Variants in XKR9 observed in about 807,000 individuals in gnomAD.
XKR9 encodes the protein XK-related protein 9.
In XKR9, 32 loss-of-function variants were observed where a neutral mutation model predicts 32.0. That is an observed-to-expected ratio of 1.00 (90% CI 0.76 to 1.34). The LOEUF (loss-of-function observed/expected upper bound fraction) is 1.34, where lower values mean the gene tolerates loss of function less well. XKR9 is among the 40% of genes most tolerant of loss of function. The pLI, the probability that XKR9 is intolerant of heterozygous loss-of-function variation, is 0.00. For missense variants in XKR9, 546 were observed against 429.7 expected, an observed-to-expected ratio of 1.27 and a Z score of -2.39; for synonymous variants, 168 against 143.4, an observed-to-expected ratio of 1.17 and a Z score of -1.22.
intron 2 of XKR9, among the ~76,000 whole-genome samples, chr8:70,677,405 C>T (rs1179555279): frequency 6.6e-6 from 1 of 152,148 alleles, no homozygotes; most frequent in Admixed American, 6.5e-5. Context: ...GGCTCAGCCT[C>T]CCAAAGTGCT....
At chr8:70,691,685 G>A (rs1288773207) in intron 3 of XKR9, among the ~76,000 whole-genome samples, 2 of 151,928 alleles carry the variant, frequency 1.3e-5, no homozygotes, top group African/African-American at 4.8e-5. Context: ...TTTCCCCATT[G>A]CTTGTTTTTG....
the XKR9 span, among the ~76,000 whole-genome samples, chr8:70,930,400 T>C: frequency 1.3e-5 from 2 of 152,166 alleles, no homozygotes; most frequent in Non-Finnish European, 2.9e-5. Flanking sequence ...TAGTCATCTC[T>C]CTCAAAGTTA....
At chr8:70,750,871 G>T (rs1443658180) in intron 2 of XKR9, among the ~76,000 whole-genome samples, 3 of 152,304 alleles carry the variant, frequency 2.0e-5, no homozygotes, top group East Asian at 1.9e-4. Flanking sequence ...CAAAAATGTT[G>T]TACTGGATAT....
chr8:70,994,333 C>CT, the XKR9 span, among the ~76,000 whole-genome samples: 5 of 151,092 alleles, frequency 3.3e-5, no homozygotes, highest in East Asian at 1.9e-4. Context: ...CCTGAGAAAG[C>CT]TTTTTTTTTC....
chr8:70,751,086 GC>G (rs1308215981), intron 2 of XKR9, among the ~76,000 whole-genome samples: 1 of 152,092 alleles, frequency 6.6e-6, no homozygotes, highest in African/African-American at 2.4e-5. Context: ...TAGCTTGCTG[GC>G]CCACCCTGCT....
At chr8:70,840,983 T>A in the XKR9 span, among the ~76,000 whole-genome samples, 158 of 152,298 alleles carry the variant, frequency 1.0e-3, 2 homozygotes, top group South Asian at 8.9e-3. Flanking sequence ...GGGTTTTGGG[T>A]AGACCAGTTA....
At chr8:70,731,372 G>A (rs1241988249) in intron 4 of XKR9, among the ~76,000 whole-genome samples, 1 of 151,800 alleles carries the variant, frequency 6.6e-6, no homozygotes, top group East Asian at 1.9e-4. Flanking sequence ...TTTCTCTGCA[G>A]CTTCCAGAAG....
At chr8:70,787,137 TG>T (rs1337472135) in intron 2 of XKR9, among the ~76,000 whole-genome samples, 1 of 152,162 alleles carries the variant, frequency 6.6e-6, no homozygotes, top group Admixed American at 6.6e-5. Flanking sequence ...TGCACAGATA[TG>T]ATTAGCAAAA....
chr8:70,736,494 G>T (rs1423565932), downstream of XKR9, among the ~76,000 whole-genome samples: 12 of 152,188 alleles, frequency 7.9e-5, no homozygotes, highest in Admixed American at 3.9e-4. Context: ...TGTCAATTTT[G>T]GCTTTTGTTG....
At chr8:70,950,138 T>C in the XKR9 span, among the ~76,000 whole-genome samples, 1 of 152,198 alleles carries the variant, frequency 6.6e-6, no homozygotes, top group Non-Finnish European at 1.5e-5. Context: ...TTTTAAACCC[T>C]AGTATGCCCC....
chr8:70,715,032 T>C (rs890347901), intron 4 of XKR9, among the ~76,000 whole-genome samples: 6 of 151,980 alleles, frequency 3.9e-5, no homozygotes, highest in Admixed American at 3.3e-4. Flanking sequence ...AAGTGGGAAA[T>C]TGGCAAAAAT....
At chr8:70,787,360 G>C (rs555218579) in intron 2 of XKR9, among the ~76,000 whole-genome samples, 1 of 152,218 alleles carries the variant, frequency 6.6e-6, no homozygotes, top group South Asian at 2.1e-4. Context: ...TTTCTCAAAA[G>C]ACCACCCTAG....
rs535896281 is a variant in XKR9, at chr8:70,707,075, A to T, written c.415A>T (p.Thr139Ser). ...TDLSMLRLFE[T>S]YLEGCPQLIL... is the part of the protein sequence containing the mutation. ...TTTGAGCATGCTCAGACTATTTGAG[A>T]CCTACCTGGAAGGCTGCCCACAACT... The change falls in exon 4 of 5, where the codon ACC (threonine) becomes TCC (serine). Residue 139 changes from threonine (T) to serine (S), a missense_variant. Transcript: ENST00000408926. The T allele has an allele frequency of 1.2e-6, 2 of 1,613,444 alleles. No individual in the cohort carries two copies. Among genetic ancestry groups the T allele is most frequent in the South Asian group, 2.2e-5 (2 of 91,048 alleles).
the XKR9 span, among the ~76,000 whole-genome samples, chr8:71,015,869 T>G: frequency 6.6e-6 from 1 of 152,164 alleles, no homozygotes; most frequent in African/African-American, 2.4e-5. Context: ...ATATTTGACA[T>G]CTATCAAATC....
chr8:70,760,906 C>T (rs1412136458), intron 2 of XKR9, among the ~76,000 whole-genome samples: 1 of 152,144 alleles, frequency 6.6e-6, no homozygotes, highest in Non-Finnish European at 1.5e-5. Context: ...ATTGTTCCCC[C>T]TATGTGTCCA....
chr8:70,823,918 C>T, the XKR9 span, among the ~76,000 whole-genome samples: 12 of 152,022 alleles, frequency 7.9e-5, no homozygotes, highest in African/African-American at 2.9e-4. Flanking sequence ...CACTGTTTTA[C>T]CTAAAGTAGA....
chr8:70,702,437 G>A (rs1044895128), intron 3 of XKR9, among the ~76,000 whole-genome samples: 4 of 152,082 alleles, frequency 2.6e-5, no homozygotes, highest in Non-Finnish European at 5.9e-5. Context: ...TGTCAGTTAG[G>A]TCAATTAGGC....
At chr8:70,796,417 A>C in the XKR9 span, among the ~76,000 whole-genome samples, 1 of 152,054 alleles carries the variant, frequency 6.6e-6, no homozygotes, top group African/African-American at 2.4e-5. Flanking sequence ...TATGTTCAGC[A>C]GTAACATTTC....
the XKR9 span, among the ~76,000 whole-genome samples, chr8:71,022,109 G>C: frequency 2.6e-5 from 4 of 152,286 alleles, no homozygotes; most frequent in African/African-American, 9.6e-5. Context: ...CACAGTGCTT[G>C]TTTTTGTCAT....
Sources: allele counts gnomAD v4.1 joint callset (sites outside exome capture counted in the v4.1 genomes callset), GRCh38; gene constraint gnomAD v4.1.1; transcripts MANE v1.5; gene names NCBI Gene and HGNC (gene_info 2026-07-23, HGNC 2026-07-21).